Variants in EIF5 observed in about 807,000 individuals in gnomAD.
EIF5 encodes eukaryotic translation initiation factor 5.
Under a neutral mutation model 48.3 loss-of-function variants are expected in EIF5, and 10 were observed. That is an observed-to-expected ratio of 0.21 (90% CI 0.13 to 0.35). The LOEUF is 0.35. EIF5 is among the 10% of genes least tolerant of loss of function. The probability of loss-of-function intolerance (pLI) is 1.00; values close to 1 mark genes in which losing one functional copy is unlikely to be tolerated. For synonymous variants in EIF5, 237 were observed against 173.1 expected, an observed-to-expected ratio of 1.37 and a Z score of -2.90; for missense variants, 397 against 533.2, an observed-to-expected ratio of 0.74 and a Z score of 2.51.
At position 103,337,102 on chromosome 14, in the gene EIF5, T is replaced by G. The variant is rs1566720887; in HGVS notation, c.328-14T>G. 1.9e-6 allele frequency: 3 copies of G among 1,603,594 alleles called. No homozygotes were observed. In the East Asian group the frequency reaches 6.7e-5, roughly 36 times the overall value. On this transcript the variant is annotated splice_polypyrimidine_tract_variant and intron_variant, in intron 5 of 11. Transcript: ENST00000216554. ...ATGTTATATTATGGATAACATTTGT[T>G]ATTTTTTTGGCAGCATGTCAATCCA...
intron 2 of EIF5, chr14:103,335,255 G>C (rs2089271173): frequency 6.5e-6 from 1 of 154,176 alleles, no homozygotes; most frequent in Admixed American, 6.4e-5. Flanking sequence ...TAAAAATGAA[G>C]ACGAACGGGG....
rs770596118 is a variant in EIF5, at chr14:103,339,243, A to G, written c.816A>G (p.Val272=). ...TTGCTGAAGCAGAAAGACTGGATGT[A>G]AAAGCCATGGGCCCTCTTGTTCTAA... ...EIVAEAERLD[V]KAMGPLVLTE... Residue 272 remains valine, a synonymous_variant, in exon 9 of 12, where the codon GTA becomes GTG. Transcript: ENST00000216554. The G allele has an allele frequency of 1.1e-5, 17 of 1,613,354 alleles. No homozygotes were observed. Among genetic ancestry groups the G allele is most frequent in the Non-Finnish European group, 1.4e-5 (16 of 1,179,878 alleles).
At chr14:103,340,380 AGTT>A in intron 10 of EIF5, 44 bp from the exon 11 acceptor site, 2 of 1,577,968 alleles carry the variant, frequency 1.3e-6, no homozygotes. Flanking sequence ...AATAATCAAA[AGTT>A]GTTAAAATTC....
intron 4 of EIF5, 60 bp downstream of exon 4, chr14:103,336,177 G>A: frequency 1.3e-6 from 2 of 1,519,280 alleles, no homozygotes; most frequent in Non-Finnish European, 1.8e-6. Flanking sequence ...CAAAGTCTTT[G>A]AGCTGCAAAA....
rs750691890 is a variant in EIF5, at chr14:103,338,311, C to T, written c.440-16C>T. 2 of 1,607,454 alleles carry T rather than the reference C, an allele frequency of 1.2e-6. No individual in the cohort carries two copies. Among genetic ancestry groups the T allele is most frequent in the South Asian group, 1.1e-5 (1 of 90,472 alleles). ...AAGTTATGGGGTTAAATTTTTATTT[C>T]CCTTTTTTTCTGTAGAGAATAGTGA... On this transcript the variant is annotated splice_polypyrimidine_tract_variant and intron_variant, in intron 6 of 11. Coordinates refer to ENST00000216554, the MANE Select transcript of EIF5 (RefSeq NM_001969.5).
In EIF5 at chr14:103,340,986, T is replaced by C. The variant is rs2089346686; in HGVS notation, c.1230T>C (p.Ser410=). 1.9e-6 allele frequency: 3 copies of C among 1,614,056 alleles called. No individual in the cohort carries two copies. The highest frequency in any genetic ancestry group is 1.7e-5 in the Admixed American group (1 of 60,004). ...AGGTGGTGTATTCGAAGGCTGCCAGTGTACCGAAAGTTGAGACTGTAAAGT... is the reference window on the plus strand; with the variant it reads ...AGGTGGTGTATTCGAAGGCTGCCAGCGTACCGAAAGTTGAGACTGTAAAGT... ...NIEVVYSKAA[S]VPKVETVKSD... Residue 410 remains serine (S), a synonymous_variant, in exon 12 of 12, where the codon AGT becomes AGC. Coordinates refer to ENST00000216554, the MANE Select transcript of EIF5 (RefSeq NM_001969.5).
At chr14:103,337,989 C>T (rs756475920) in intron 6 of EIF5, 40 of 549,890 alleles carry the variant, frequency 7.3e-5, no homozygotes, top group Middle Eastern at 3.0e-4. Context: ...CACCTGTTGG[C>T]TAAAGCTGGG....
Position 103,343,592 on chromosome 14 carries a change from C to T in EIF5, c.*2540C>T, listed in dbSNP as rs1335508485. The T allele has an allele frequency of 6.6e-6, 1 of 152,196 alleles. No individual in the cohort carries two copies. Among genetic ancestry groups the T allele is most frequent in the Admixed American group, 6.5e-5 (1 of 15,286 alleles). 9.4% of individuals were successfully genotyped at this position (152,196 alleles called of 1,614,324 possible). The stretch of plus-strand genomic sequence containing the variant: ...CAAGGAGGTCTCTAATCCACCGCTT[C>T]CCGCTTGAGAAGGGAGGGGTATCAA... On this transcript the variant is annotated 3_prime_UTR_variant, in exon 12 of 12. Coordinates refer to ENST00000216554, the MANE Select transcript of EIF5 (RefSeq NM_001969.5).
chr14:103,334,663 C>T (rs1054634957), intron 2 of EIF5, 66 bp downstream of exon 2: 3 of 148,380 alleles, frequency 2.0e-5, no homozygotes, highest in African/African-American at 7.3e-5. Context: ...CGCCGCGTGA[C>T]CCCGCCGCGG....
rs770095088 is a variant in EIF5 at position 103,336,786 on chromosome 14, G to A, written c.264G>A (p.Met88Ile). The A allele has an allele frequency of 4.3e-6, 7 of 1,614,142 alleles. No individual in the cohort carries two copies. The highest frequency in any genetic ancestry group is 5.9e-6 in the Non-Finnish European group (7 of 1,180,032). ...ATGAGGCGAATAAGCTGCAAGACATGTTGGATGGATTCATTAAAAAATTTG... is the reference window on the plus strand; with the variant it reads ...ATGAGGCGAATAAGCTGCAAGACATATTGGATGGATTCATTAAAAAATTTG... ...GSHEANKLQD[M>I]LDGFIKKFVL... Residue 88 changes from methionine to isoleucine, a missense_variant, in exon 5 of 12, where the codon ATG becomes ATA. Physicochemically the swap from Met to Ile is conservative, Grantham distance 10. Coordinates refer to ENST00000216554, the MANE Select transcript of EIF5 (RefSeq NM_001969.5).
intron 2 of EIF5, 140 bp from the exon 3 acceptor site, chr14:103,335,513 C>T (rs143931942): frequency 1.1e-3 from 364 of 323,838 alleles, no homozygotes; most frequent in African/African-American, 7.3e-3. Flanking sequence ...ATGAGAATGG[C>T]TGTTTGCATG....
At chr14:103,338,244 G>A in intron 6 of EIF5, 83 bp from the exon 7 acceptor site, 1 of 1,546,202 alleles carries the variant, frequency 6.5e-7, no homozygotes, top group Non-Finnish European at 8.7e-7. Context: ...AGGAAAATAA[G>A]GGCAGGGTTT....
chr14:103,337,047 G>A (rs187910694), intron 5 of EIF5, 69 bp from the exon 6 acceptor site: 6 of 1,440,442 alleles, frequency 4.2e-6, no homozygotes, highest in Non-Finnish European at 3.8e-6. Flanking sequence ...AGCTGTCTGT[G>A]GTTTAGATGT....
chr14:103,340,510 A>G lies in EIF5; in HGVS notation c.1155A>G (p.Ala385=), dbSNP rs569720949. 4.0e-5 allele frequency: 65 copies of G among 1,613,308 alleles called. 1 individual carries two copies. The East Asian group carries it at 1.3e-3, about 32-fold the overall frequency. ...AEPFIKWLKE[A]EEESSGGEEE... ...CATTTATAAAATGGTTGAAGGAGGC[A>G]GAGGAAGAATCTTCTGGTGGCGAAG... The change falls in exon 11 of 12, where the codon GCA becomes GCG. Residue 385 remains alanine (A), a synonymous_variant. Transcript: ENST00000216554.
In EIF5 at chr14:103,340,476, A is replaced by G. The variant is rs2089340262; in HGVS notation, c.1121A>G (p.Lys374Arg). The part of the protein sequence containing the change: ...SKELAKEIRV[K>R]AEPFIKWLKE... ...GAACTTGCCAAAGAGATTCGTGTCA[A>G]AGCAGAACCATTTATAAAATGGTTG... The change falls in exon 11 of 12, where the codon AAA becomes AGA. Residue 374 changes from lysine (K) to arginine (R), a missense_variant. Physicochemically the swap from Lys to Arg is conservative, Grantham distance 26. Around this residue, in one of 4 missense-constraint regions of EIF5, gnomAD observed 160 missense variants for 184.8 expected, o/e 0.87. Coordinates refer to ENST00000216554, the MANE Select transcript of EIF5 (RefSeq NM_001969.5). The G allele has an allele frequency of 2.5e-6, 4 of 1,612,056 alleles. No homozygotes were observed. Among genetic ancestry groups the G allele is most frequent in the Non-Finnish European group, 2.5e-6 (3 of 1,178,182 alleles).
chr14:103,339,255 C>T lies in EIF5; in HGVS notation c.828C>T (p.Gly276=), dbSNP rs1389025752. 10 of 1,612,296 alleles carry T rather than the reference C, an allele frequency of 6.2e-6. No individual in the cohort carries two copies. Among genetic ancestry groups the T allele is most frequent in the South Asian group, 3.3e-5 (3 of 90,494 alleles). Residue 276 remains glycine (G), a synonymous_variant, in exon 9 of 12, where the codon GGC becomes GGT. Coordinates refer to ENST00000216554, the MANE Select transcript of EIF5 (RefSeq NM_001969.5). Reference sequence around the variant, plus strand: ...AAAGACTGGATGTAAAAGCCATGGGCCCTCTTGTTCTAACTGAAGTTCTTT... The same window carrying T: ...AAAGACTGGATGTAAAAGCCATGGGTCCTCTTGTTCTAACTGAAGTTCTTT... ...EAERLDVKAM[G]PLVLTEVLFN... is the part of the protein sequence containing the mutation.
Position 103,335,811 on chromosome 14 carries a change from T to C in EIF5, c.-50T>C, listed in dbSNP as rs2089278024. On this transcript the variant is annotated 5_prime_UTR_variant, in exon 3 of 12. Transcript: ENST00000216554. ...CTCCAGACAGAAGATACCAAAAAGT[T>C]GCAATCAAAGATCTCTTCATCTTAT... is the stretch of plus-strand genomic sequence containing the variant. 6.3e-7 allele frequency: 1 copy of C among 1,595,318 alleles called. No individual in the cohort carries two copies. The highest frequency in any genetic ancestry group is 1.7e-5 in the Admixed American group (1 of 59,876).
chr14:103,342,031 C>T lies in EIF5; in HGVS notation c.*979C>T, dbSNP rs923886856. 6.6e-6 allele frequency: 1 copy of T among 152,550 alleles called. No individual in the cohort carries two copies. Among genetic ancestry groups the T allele is most frequent in the African/African-American group, 2.4e-5 (1 of 41,406 alleles). 9.4% of individuals were successfully genotyped at this position (152,550 alleles called of 1,614,324 possible). A position where few individuals can be genotyped will look rare whatever the true frequency, so the allele number is the denominator to read the frequency against. On this transcript the variant is annotated 3_prime_UTR_variant, in exon 12 of 12. Transcript: ENST00000216554. ...TAATTTTCCCCTCTTGCAGTTTGTT[C>T]TGTAATGCCTTTTACATTTGGACAC...
rs1371860932 is a variant in EIF5 at position 103,341,079 on chromosome 14, G to GTAT, written c.*28_*30dup. 12 of 1,605,806 alleles carry GTAT rather than the reference G, an allele frequency of 7.5e-6. No individual in the cohort carries two copies. Among genetic ancestry groups the GTAT allele is most frequent in the Non-Finnish European group, 9.4e-6 (11 of 1,173,248 alleles). ...GGGATGGATGCAACCTAGCTTAACA[G>GTAT]TATAATGCTGCAAATTTTCCTCCAT... On this transcript the variant is annotated 3_prime_UTR_variant, in exon 12 of 12. Transcript: ENST00000216554.
Sources: gnomAD v4.1 joint callset for allele counts on GRCh38, gnomAD v4.1.1 for gene constraint, gnomAD v4.1.1 regional missense constraint, MANE v1.5 for transcripts, NCBI Gene and HGNC (gene_info 2026-07-23, HGNC 2026-07-21) for gene names.